CPA6: variants seen among roughly 807,000 people sequenced by gnomAD.
CPA6 encodes carboxypeptidase A6, also known as carboxypeptidase B.
CPA6 carries 58 observed loss-of-function variants against 63.3 expected under a neutral mutation model. The observed-to-expected ratio is 0.92, with a 90% CI of 0.74 to 1.14. The LOEUF (loss-of-function observed/expected upper bound fraction) is 1.14, where lower values mean the gene tolerates loss of function less well. Ranked by LOEUF, CPA6 falls within the 50% of genes most tolerant of loss-of-function variation. CPA6 has a pLI of 0.00. For missense variants in CPA6, 565 were observed against 526.6 expected, an observed-to-expected ratio of 1.07 and a Z score of -0.71; for synonymous variants, 185 against 179.0, an observed-to-expected ratio of 1.03 and a Z score of -0.27.
At chr8:67,699,951 A>T (rs1281287343) in intron 1 of CPA6, among the ~76,000 whole-genome samples, 1 of 152,200 alleles carries the variant, frequency 6.6e-6, no homozygotes, top group South Asian at 2.1e-4. Flanking sequence ...CTACAATTGT[A>T]TGTAAAATTC....
intron 2 of CPA6, among the ~76,000 whole-genome samples, chr8:67,545,548 C>T (rs1812795670): frequency 6.7e-6 from 1 of 148,374 alleles, no homozygotes; most frequent in South Asian, 2.1e-4. Flanking sequence ...TTTCTTTCCA[C>T]AGTTGCTACT....
At chr8:67,467,347 C>CTA (rs1563963905) in intron 8 of CPA6, among the ~76,000 whole-genome samples, 2 of 152,192 alleles carry the variant, frequency 1.3e-5, no homozygotes, top group East Asian at 3.9e-4. Flanking sequence ...TACTCCAGAT[C>CTA]TATATATATT....
chr8:67,634,433 T>C (rs1288974953), intron 1 of CPA6, among the ~76,000 whole-genome samples: 1 of 151,308 alleles, frequency 6.6e-6, no homozygotes, highest in Non-Finnish European at 1.5e-5. Flanking sequence ...TTAGCCAGGA[T>C]GGTCTCCATC....
chr8:67,676,871 T>G (rs1415254591), intron 1 of CPA6, among the ~76,000 whole-genome samples: 1 of 152,230 alleles, frequency 6.6e-6, no homozygotes, highest in Non-Finnish European at 1.5e-5. Flanking sequence ...GGATATAATA[T>G]CCGCAATTTT....
chr8:67,662,090 G>T (rs758734725), intron 1 of CPA6, among the ~76,000 whole-genome samples: 2 of 152,140 alleles, frequency 1.3e-5, no homozygotes, highest in Non-Finnish European at 2.9e-5. Context: ...TTTGGTGCAG[G>T]TTCTGGGGGA....
Position 67,626,937 on chromosome 8 carries a change from G to T in CPA6, c.117-2686C>A, listed in dbSNP as rs552771178. Among the ~76,000 whole-genome samples the T allele has an allele frequency of 2.0e-5, 3 of 151,766 alleles. No individual in the cohort carries two copies. In the South Asian group the frequency reaches 6.3e-4, roughly 32 times the overall value. On this transcript the variant is annotated intron_variant, in intron 1 of 10. Coordinates refer to ENST00000297770, the MANE Select transcript of CPA6 (RefSeq NM_020361.5). Reference sequence around the variant, plus strand: ...GTTCCTCTTCTGCAAATAAGTACAGGATACAAAGAAACTACCCTTGGGATT... The same window carrying T: ...GTTCCTCTTCTGCAAATAAGTACAGTATACAAAGAAACTACCCTTGGGATT...
At chr8:67,607,226 T>C (rs574412830) in intron 2 of CPA6, among the ~76,000 whole-genome samples, 35 of 119,628 alleles carry the variant, frequency 2.9e-4, no homozygotes, top group Non-Finnish European at 5.1e-4. Flanking sequence ...CTTCTTCTTC[T>C]TCTTCTTCTT....
At chr8:67,448,565 G>A (rs1164728678) in intron 8 of CPA6, among the ~76,000 whole-genome samples, 1 of 140,870 alleles carries the variant, frequency 7.1e-6, no homozygotes, top group African/African-American at 2.8e-5. Context: ...CCAGAAAGTC[G>A]AGGTTGCTGT....
At chr8:67,671,681 G>T (rs1420628606) in intron 1 of CPA6, among the ~76,000 whole-genome samples, 1 of 152,092 alleles carries the variant, frequency 6.6e-6, no homozygotes, top group Non-Finnish European at 1.5e-5. Context: ...TTTCCCTATT[G>T]CTAAGAAAAC....
chr8:67,716,151 C>CAAAAAAAAAAAAAAA (rs56275918), intron 1 of CPA6, among the ~76,000 whole-genome samples: 12 of 76,546 alleles, frequency 1.6e-4, no homozygotes, highest in African/African-American at 6.7e-4. Context: ...GAGCTTGTCT[C>CAAAAAAAAAAAAAAA]AAAAAAAAAA....
At chr8:67,469,422 A>G (rs1811006299) in intron 8 of CPA6, among the ~76,000 whole-genome samples, 1 of 152,284 alleles carries the variant, frequency 6.6e-6, no homozygotes. Flanking sequence ...CCTGGTCAAC[A>G]TGGTGAAACC....
chr8:67,469,266 C>T (rs1405838324), intron 8 of CPA6, among the ~76,000 whole-genome samples: 1 of 152,098 alleles, frequency 6.6e-6, no homozygotes, highest in Non-Finnish European at 1.5e-5. Flanking sequence ...GCAGATTACC[C>T]TCCATAAAGT....
intron 2 of CPA6, among the ~76,000 whole-genome samples, chr8:67,546,286 G>C (rs1270203474): frequency 6.6e-6 from 1 of 152,176 alleles, no homozygotes; most frequent in Non-Finnish European, 1.5e-5. Context: ...ATCTGCCCCT[G>C]AATTATTGCT....
chr8:67,522,306 C>G (rs1323513052), intron 2 of CPA6, among the ~76,000 whole-genome samples: 1 of 152,286 alleles, frequency 6.6e-6, no homozygotes, highest in East Asian at 1.9e-4. Flanking sequence ...CACTTCAGGT[C>G]CCCTCTGGTG....
chr8:67,741,570 T>C (rs2623836), intron 1 of CPA6, among the ~76,000 whole-genome samples: 125,796 of 152,172 alleles, frequency 0.83, 52,167 homozygotes, highest in Admixed American at 0.86. Context: ...CTTGCATTTC[T>C]GCCTGAGCTC....
intron 2 of CPA6, among the ~76,000 whole-genome samples, chr8:67,519,939 A>G (rs1042644550): frequency 1.3e-5 from 2 of 151,496 alleles, no homozygotes; most frequent in African/African-American, 4.9e-5. Context: ...ATTTATTTTT[A>G]TTTTTTTGGC....
chr8:67,492,107 C>T (rs913425703), intron 6 of CPA6, among the ~76,000 whole-genome samples: 1 of 152,110 alleles, frequency 6.6e-6, no homozygotes, highest in Admixed American at 6.6e-5. Flanking sequence ...GAGGTGAGAT[C>T]TGAACCCAAA....
intron 6 of CPA6, among the ~76,000 whole-genome samples, chr8:67,487,667 C>T (rs113358764): frequency 6.6e-6 from 1 of 152,210 alleles, no homozygotes; most frequent in Admixed American, 6.5e-5. Context: ...TACAGTCCCA[C>T]CAACAGTGTA....
At chr8:67,664,406 C>T (rs1168902649) in intron 1 of CPA6, among the ~76,000 whole-genome samples, 3 of 152,170 alleles carry the variant, frequency 2.0e-5, no homozygotes, top group Non-Finnish European at 4.4e-5. Context: ...ACTTTCCTAA[C>T]AGCCTGGAAG....
Sources: gnomAD v4.1 joint callset for allele counts (sites outside exome capture counted in the v4.1 genomes callset) on GRCh38, gnomAD v4.1.1 for gene constraint, MANE v1.5 for transcripts, NCBI Gene and HGNC (gene_info 2026-07-23, HGNC 2026-07-21) for gene names.